The following ARK2N variants were observed in gnomAD, a reference collection of about 807,000 sequenced individuals.
The protein encoded by ARK2N is arkadia (RNF111) N-terminal like PKA signaling regulator 2N, also known as protein ARK2N.
the ARK2N span, among the ~76,000 whole-genome samples, chr18:46,243,163 C>G: frequency 6.6e-6 from 1 of 152,034 alleles, no homozygotes; most frequent in Admixed American, 6.6e-5. Flanking sequence ...ATGTGATTAT[C>G]ATAGTGGAAC....
chr18:46,189,311 C>A, the ARK2N span, among the ~76,000 whole-genome samples: 1 of 151,734 alleles, frequency 6.6e-6, no homozygotes, highest in Non-Finnish European at 1.5e-5. Flanking sequence ...TGTTTTGTTC[C>A]CCTTCTTATG....
chr18:46,255,601 G>A, the ARK2N span, among the ~76,000 whole-genome samples: 2 of 151,302 alleles, frequency 1.3e-5, no homozygotes, highest in Non-Finnish European at 2.9e-5. Context: ...ACAGGCATGC[G>A]CCACCACGCT....
At chr18:46,207,627 A>G in the ARK2N span, among the ~76,000 whole-genome samples, 1 of 152,066 alleles carries the variant, frequency 6.6e-6, no homozygotes, top group Non-Finnish European at 1.5e-5. Context: ...TGACTTCATG[A>G]TCCACCTGCC....
At chr18:46,250,771 C>T in the ARK2N span, among the ~76,000 whole-genome samples, 9 of 152,164 alleles carry the variant, frequency 5.9e-5, no homozygotes, top group Non-Finnish European at 1.3e-4. Context: ...ATGATCTGAC[C>T]TGCTGACTTT....
chr18:46,205,917 G>A, the ARK2N span, among the ~76,000 whole-genome samples: 7 of 151,804 alleles, frequency 4.6e-5, no homozygotes, highest in African/African-American at 1.7e-4. Flanking sequence ...TTTTCTATAG[G>A]TGGGATTTTA....
At chr18:46,187,919 T>C in the ARK2N span, among the ~76,000 whole-genome samples, 72 of 152,292 alleles carry the variant, frequency 4.7e-4, 1 homozygote, top group East Asian at 8.7e-3. Context: ...TAAACTGCTA[T>C]GAGGCTAAAC....
the ARK2N span, chr18:46,216,646 G>C: frequency 6.8e-7 from 1 of 1,469,082 alleles, no homozygotes; most frequent in Non-Finnish European, 9.2e-7. This position sits in a 1 kb window ranked among gnomAD's most constrained non-coding sequence, Gnocchi z 4.3. Context: ...GCATTTCTCA[G>C]CTATCAGGTT....
the ARK2N span, among the ~76,000 whole-genome samples, chr18:46,175,691 C>T: frequency 2.0e-5 from 3 of 152,068 alleles, no homozygotes; most frequent in Non-Finnish European, 4.4e-5. Flanking sequence ...TTAGTAGAGA[C>T]GGGGTTTTAC....
chr18:46,188,387 G>A, the ARK2N span, among the ~76,000 whole-genome samples: 653 of 152,248 alleles, frequency 4.3e-3, 5 homozygotes, highest in African/African-American at 0.015. Context: ...TTTTAGTAGA[G>A]ATGGGGTTTC....
At chr18:46,208,927 G>A in the ARK2N span, among the ~76,000 whole-genome samples, 1 of 152,132 alleles carries the variant, frequency 6.6e-6, no homozygotes, top group Non-Finnish European at 1.5e-5. Flanking sequence ...TTTACCAAAG[G>A]CTAAAAATAT....
the ARK2N span, among the ~76,000 whole-genome samples, chr18:46,210,756 A>G: frequency 0.024 from 3,611 of 152,144 alleles, 145 homozygotes; most frequent in East Asian, 0.12. Flanking sequence ...CAAAAAATAC[A>G]AAAATTAGCC....
At chr18:46,209,875 T>C in the ARK2N span, among the ~76,000 whole-genome samples, 1 of 152,174 alleles carries the variant, frequency 6.6e-6, no homozygotes, top group South Asian at 2.1e-4. Flanking sequence ...ATTACAGGCG[T>C]GAGCCACCGT....
the ARK2N span, among the ~76,000 whole-genome samples, chr18:46,214,244 T>C: frequency 3.9e-5 from 6 of 152,212 alleles, no homozygotes; most frequent in African/African-American, 1.4e-4. Context: ...ACTATCTAGG[T>C]AACTTGATGG....
At chr18:46,235,587 A>C in the ARK2N span, among the ~76,000 whole-genome samples, 2 of 152,222 alleles carry the variant, frequency 1.3e-5, no homozygotes, top group Non-Finnish European at 2.9e-5. Context: ...TATGTAGCTA[A>C]GAGAGAGTAG....
chr18:46,232,009 G>GC, the ARK2N span: 1 of 152,222 alleles, frequency 6.6e-6, no homozygotes, highest in African/African-American at 2.4e-5. Context: ...ATCCGTCTTG[G>GC]CCCCCCAGAG....
chr18:46,202,292 T>TC, the ARK2N span, among the ~76,000 whole-genome samples: 1 of 152,170 alleles, frequency 6.6e-6, no homozygotes, highest in African/African-American at 2.4e-5. Context: ...TTCCTCAGGA[T>TC]CTGATTGCCC....
chr18:46,216,382 G>A, the ARK2N span: 3 of 1,614,110 alleles, frequency 1.9e-6, no homozygotes, highest in East Asian at 4.5e-5. The surrounding 1 kb of genome is among the most constrained non-coding windows in gnomAD (Gnocchi z 4.3). Context: ...GAATGGCCGA[G>A]TCGCCAAGGT....
the ARK2N span, among the ~76,000 whole-genome samples, chr18:46,236,841 G>T: frequency 1.0e-3 from 141 of 139,452 alleles, no homozygotes; most frequent in South Asian, 3.7e-3. Flanking sequence ...TTTTTTTTTT[G>T]TTGTTGTTGT....
the ARK2N span, among the ~76,000 whole-genome samples, chr18:46,180,972 G>GT: frequency 7.3e-5 from 11 of 151,552 alleles, no homozygotes; most frequent in Non-Finnish European, 1.3e-4. Context: ...CTTAAATGTC[G>GT]TTTTTTGGGC....
Sources: allele counts gnomAD v4.1 joint callset (sites outside exome capture counted in the v4.1 genomes callset), GRCh38; gene constraint gnomAD v4.1.1; non-coding constraint Gnocchi (gnomAD v3.1); transcripts MANE v1.5; gene names NCBI Gene and HGNC (gene_info 2026-07-23, HGNC 2026-07-21).